Variants in CFAP299 observed in about 807,000 individuals in gnomAD.
CFAP299 encodes cilia and flagella associated protein 299, also known as cilia- and flagella-associated protein 299.
A neutral mutation model predicts 27.0 loss-of-function variants in CFAP299; 21 were observed. The ratio of observed to expected loss-of-function variants is 0.78; its 90% CI spans 0.55 to 1.12. CFAP299 has a LOEUF of 1.12. Among genes scored for constraint, CFAP299 ranks in the 50% most tolerant of loss-of-function variants. CFAP299 has a pLI of 0.00. For missense variants in CFAP299, 310 were observed against 276.6 expected, an observed-to-expected ratio of 1.12 and a Z score of -0.86; for synonymous variants, 104 against 98.1, an observed-to-expected ratio of 1.06 and a Z score of -0.36.
chr4:80,388,178 G>T, intron 2 of CFAP299: 2 of 685,286 alleles, frequency 2.9e-6, no homozygotes, highest in East Asian at 2.7e-5. Flanking sequence ...TGGTGGAGGA[G>T]GGGGTGAAGG....
intron 2 of CFAP299, among the ~76,000 whole-genome samples, chr4:80,481,135 G>A (rs929952117): frequency 6.6e-6 from 1 of 152,000 alleles, no homozygotes; most frequent in Non-Finnish European, 1.5e-5. Context: ...AGTAGAGGCA[G>A]CCAACAGACT....
At chr4:80,391,056 C>CAT (rs893015239) in intron 2 of CFAP299, among the ~76,000 whole-genome samples, 7 of 151,360 alleles carry the variant, frequency 4.6e-5, no homozygotes, top group Non-Finnish European at 7.4e-5. Flanking sequence ...TATATACACA[C>CAT]ATATATATAC....
At chr4:80,432,470 T>C (rs1727865990) in intron 2 of CFAP299, among the ~76,000 whole-genome samples, 2 of 151,140 alleles carry the variant, frequency 1.3e-5, no homozygotes, top group East Asian at 2.0e-4. Context: ...GTTTTATTTA[T>C]GCTATTTCTA....
intron 2 of CFAP299, among the ~76,000 whole-genome samples, chr4:80,535,789 A>G (rs888925209): frequency 6.6e-6 from 1 of 152,188 alleles, no homozygotes; most frequent in Non-Finnish European, 1.5e-5. Context: ...TGGGTTTGTT[A>G]AGATCAGTAT....
At chr4:80,439,851 T>C (rs1352735960) in intron 2 of CFAP299, among the ~76,000 whole-genome samples, 1 of 152,170 alleles carries the variant, frequency 6.6e-6, no homozygotes, top group Non-Finnish European at 1.5e-5. Flanking sequence ...CCTGCGACAC[T>C]CGAGCTTGGT....
intron 2 of CFAP299, among the ~76,000 whole-genome samples, chr4:80,577,152 T>C (rs1381381309): frequency 6.6e-6 from 1 of 152,198 alleles, no homozygotes; most frequent in Non-Finnish European, 1.5e-5. Flanking sequence ...TGAGCCTTCA[T>C]TATAGTGAAA....
intron 3 of CFAP299, among the ~76,000 whole-genome samples, chr4:80,835,549 T>A (rs1450074347): frequency 1.3e-5 from 2 of 151,824 alleles, no homozygotes; most frequent in Non-Finnish European, 2.9e-5. Flanking sequence ...TGGTTCCCAA[T>A]GATATCAGGT....
intron 3 of CFAP299, among the ~76,000 whole-genome samples, chr4:80,714,952 A>T (rs554825805): frequency 1.3e-5 from 2 of 152,208 alleles, no homozygotes; most frequent in African/African-American, 4.8e-5. Context: ...ACAATTTCTT[A>T]TAATTGCATT....
At chr4:80,950,263 T>G (rs368609245) in intron 5 of CFAP299, among the ~76,000 whole-genome samples, 4 of 118,248 alleles carry the variant, frequency 3.4e-5, no homozygotes, top group Non-Finnish European at 3.6e-5. Context: ...ACCCCCCCCC[T>G]TTCTCATTTG....
At chr4:80,800,210 AAT>A (rs1235009558) in intron 3 of CFAP299, among the ~76,000 whole-genome samples, 4 of 74,212 alleles carry the variant, frequency 5.4e-5, no homozygotes, top group South Asian at 8.3e-4. Flanking sequence ...TATAATATAT[AAT>A]ATATATTATA....
chr4:80,908,007 T>C (rs1735269691), intron 4 of CFAP299, among the ~76,000 whole-genome samples: 1 of 152,206 alleles, frequency 6.6e-6, no homozygotes. Context: ...AGTTTCACTG[T>C]GGCGAAGGGC....
intron 5 of CFAP299, among the ~76,000 whole-genome samples, chr4:80,947,728 A>C (rs1737548268): frequency 1.3e-5 from 2 of 152,200 alleles, no homozygotes; most frequent in South Asian, 4.1e-4. Flanking sequence ...TTCTCAAAAA[A>C]TAAGTAGAAA....
At chr4:80,894,624 T>C (rs2110189806) in intron 4 of CFAP299, among the ~76,000 whole-genome samples, 1 of 152,068 alleles carries the variant, frequency 6.6e-6, no homozygotes, top group South Asian at 2.1e-4. Context: ...TGAAAAATAT[T>C]GTGGAGATTC....
chr4:80,654,572 AG>A (rs1740461182), intron 3 of CFAP299, among the ~76,000 whole-genome samples: 1 of 152,110 alleles, frequency 6.6e-6, no homozygotes, highest in South Asian at 2.1e-4. Flanking sequence ...TATTGCACTG[AG>A]TTAATAATTT....
chr4:80,484,856 G>A (rs78493965), intron 2 of CFAP299, among the ~76,000 whole-genome samples: 2,017 of 152,204 alleles, frequency 0.013, 38 homozygotes, highest in African/African-American at 0.044. Context: ...TGTGTCCTAT[G>A]TGAACTATGT....
chr4:80,942,518 T>TA (rs1263781577), intron 4 of CFAP299, among the ~76,000 whole-genome samples: 1 of 152,152 alleles, frequency 6.6e-6, no homozygotes, highest in Non-Finnish European at 1.5e-5. Flanking sequence ...TCAGCTACTA[T>TA]AAAAAGCCTA....
chr4:80,961,320 C>G (rs1738334623), intron 5 of CFAP299, among the ~76,000 whole-genome samples: 1 of 151,504 alleles, frequency 6.6e-6, no homozygotes, highest in Admixed American at 6.6e-5. Context: ...TATTTTGAAC[C>G]AAAATTATTA....
chr4:80,763,458 C>A (rs1254188820), intron 3 of CFAP299, among the ~76,000 whole-genome samples: 9 of 151,920 alleles, frequency 5.9e-5, no homozygotes, highest in Non-Finnish European at 1.3e-4. Flanking sequence ...TAAGAGAGGA[C>A]ATAAACAAAT....
intron 3 of CFAP299, among the ~76,000 whole-genome samples, chr4:80,738,458 A>G (rs1399918324): frequency 6.6e-6 from 1 of 152,072 alleles, no homozygotes; most frequent in African/African-American, 2.4e-5. Context: ...CTCTGGATGA[A>G]CTGAACCCTT....
Sources: gnomAD v4.1 joint callset for allele counts (sites outside exome capture counted in the v4.1 genomes callset) on GRCh38, gnomAD v4.1.1 for gene constraint, MANE v1.5 for transcripts, NCBI Gene and HGNC (gene_info 2026-07-23, HGNC 2026-07-21) for gene names.